Variants in CNNM2 observed in about 807,000 individuals in gnomAD.
CNNM2 encodes the protein cyclin and CBS domain divalent metal cation transport mediator 2, also known as metal transporter CNNM2.
CNNM2 carries 12 observed loss-of-function variants against 66.9 expected under a neutral mutation model. The ratio of observed to expected loss-of-function variants is 0.18; its 90% CI spans 0.11 to 0.29. CNNM2 has a LOEUF of 0.29. Among genes scored for constraint, CNNM2 ranks in the 10% least tolerant of loss-of-function variants. The pLI is 1.00. For synonymous variants in CNNM2, 557 were observed against 501.8 expected, an observed-to-expected ratio of 1.11 and a Z score of -1.47; for missense variants, 705 against 1,167.7, an observed-to-expected ratio of 0.60 and a Z score of 5.77.
chr10:102,944,567 T>G (rs1192155966), intron 1 of CNNM2, among the ~76,000 whole-genome samples: 3 of 148,042 alleles, frequency 2.0e-5, no homozygotes, highest in Non-Finnish European at 4.4e-5. Flanking sequence ...TATTTTGCCA[T>G]ATTTGTATCT....
intron 7 of CNNM2, 113 bp from the exon 8 acceptor site, chr10:103,076,858 A>G: frequency 1.0e-6 from 1 of 956,646 alleles, no homozygotes; most frequent in Non-Finnish European, 1.6e-6. Context: ...CTCAAGTGTG[A>G]TTTTCTCCTA....
chr10:102,987,675 T>C (rs1384880485), intron 1 of CNNM2, among the ~76,000 whole-genome samples: 1 of 152,012 alleles, frequency 6.6e-6, no homozygotes, highest in East Asian at 1.9e-4. Flanking sequence ...ATATATAATT[T>C]ATAAGTAAAT....
chr10:103,039,398 A>G (rs2064999990), intron 1 of CNNM2, among the ~76,000 whole-genome samples: 2 of 152,110 alleles, frequency 1.3e-5, no homozygotes, highest in Non-Finnish European at 2.9e-5. Context: ...CGGCCTCCCA[A>G]AGTGCTGGGA....
chr10:102,954,339 G>A (rs560554113), intron 1 of CNNM2, among the ~76,000 whole-genome samples: 86 of 151,370 alleles, frequency 5.7e-4, no homozygotes, highest in Non-Finnish European at 1.0e-3. Context: ...GGGCTGTATC[G>A]AACTTCTGGA....
chr10:103,059,264 G>A (rs545460901), intron 4 of CNNM2, among the ~76,000 whole-genome samples: 13 of 152,222 alleles, frequency 8.5e-5, no homozygotes, highest in South Asian at 2.1e-4. Flanking sequence ...ATGAGCCACC[G>A]CGTCTGGCCT....
At chr10:102,967,899 G>A (rs1165862322) in intron 1 of CNNM2, among the ~76,000 whole-genome samples, 2 of 152,134 alleles carry the variant, frequency 1.3e-5, no homozygotes, top group Admixed American at 6.5e-5. Flanking sequence ...TCCCAGCTAC[G>A]TGGGAGGCTG....
intron 1 of CNNM2, among the ~76,000 whole-genome samples, chr10:102,935,774 C>CTTTTTTTTTTTTTTTTTTTTTTT (rs34196326): frequency 1.3e-5 from 1 of 77,994 alleles, no homozygotes; most frequent in South Asian, 5.4e-4. Context: ...CTGCACCTGG[C>CTTTTTTTTTTTTTTTTTTTTTTT]TTTTTTTTTT....
intron 1 of CNNM2, among the ~76,000 whole-genome samples, chr10:102,962,690 C>CTGTGTGTGTGTGTGTGTG (rs10580172): frequency 7.0e-6 from 1 of 143,800 alleles, no homozygotes; most frequent in Non-Finnish European, 1.5e-5. Context: ...ATATGATATA[C>CTGTGTGTGTGTGTGTGTG]TGTGTGTGTG....
chr10:102,928,306 G>C (rs1845944444), intron 1 of CNNM2, among the ~76,000 whole-genome samples: 2 of 152,142 alleles, frequency 1.3e-5, no homozygotes. Context: ...ATAGAAGGTG[G>C]CCGGGCATTG....
chr10:102,942,123 C>T (rs1438306169), intron 1 of CNNM2, among the ~76,000 whole-genome samples: 1 of 152,202 alleles, frequency 6.6e-6, no homozygotes, highest in African/African-American at 2.4e-5. Context: ...ACATGTAAAA[C>T]TTAAAACACA....
intron 1 of CNNM2, among the ~76,000 whole-genome samples, chr10:102,951,690 G>T (rs556172367): frequency 6.6e-6 from 1 of 150,632 alleles, no homozygotes; most frequent in Non-Finnish European, 1.5e-5. Context: ...CCAGGCTGGG[G>T]TGCAGTGGTC....
At position 102,919,944 on chromosome 10, in the gene CNNM2, C is replaced by T. The variant is rs1845559034; in HGVS notation, c.1464C>T (p.Arg488=). The change falls in exon 1 of 8, where the codon CGC becomes CGT. Residue 488 remains arginine (R), a synonymous_variant. Coordinates refer to ENST00000369878, the MANE Select transcript of CNNM2 (RefSeq NM_017649.5). ...GCATTCCAGTGTTTGAAGGGGAGCGCTCCAATATCGTGGACCTGCTGTTTG... is the reference window on the plus strand; with the variant it reads ...GCATTCCAGTGTTTGAAGGGGAGCGTTCCAATATCGTGGACCTGCTGTTTG... ...YTRIPVFEGE[R]SNIVDLLFVK... 1 of 1,614,236 alleles carries T rather than the reference C, an allele frequency of 6.2e-7. No individual in the cohort carries two copies. The highest frequency in any genetic ancestry group is 8.5e-7 in the Non-Finnish European group (1 of 1,180,042).
At chr10:103,039,577 G>A (rs947803429) in intron 1 of CNNM2, among the ~76,000 whole-genome samples, 23 of 152,262 alleles carry the variant, frequency 1.5e-4, no homozygotes, top group African/African-American at 4.6e-4. Context: ...GGTTTTGCCG[G>A]TGTTTAATTG....
intron 1 of CNNM2, among the ~76,000 whole-genome samples, chr10:102,921,757 A>G (rs1017026309): frequency 6.6e-6 from 1 of 152,192 alleles, no homozygotes; most frequent in Non-Finnish European, 1.5e-5. Context: ...ATTGATACAG[A>G]TGATCTATTG....
chr10:102,927,310 A>G, intron 1 of CNNM2: 1 of 1,612,944 alleles, frequency 6.2e-7, no homozygotes, highest in South Asian at 1.1e-5. Context: ...AGTTTTTTAA[A>G]GTATTGTCTT....
At chr10:103,018,942 C>T (rs897421645) in intron 1 of CNNM2, among the ~76,000 whole-genome samples, 4 of 149,650 alleles carry the variant, frequency 2.7e-5, no homozygotes, top group South Asian at 2.1e-4. Context: ...AGGCGTGAGC[C>T]GCTGTACCTG....
chr10:103,029,594 G>A (rs2134299182), intron 1 of CNNM2, among the ~76,000 whole-genome samples: 1 of 152,272 alleles, frequency 6.6e-6, no homozygotes, highest in South Asian at 2.1e-4. Flanking sequence ...CAGGCACGGT[G>A]GCTCACGCCT....
At chr10:102,989,004 C>T (rs2063847791) in intron 1 of CNNM2, among the ~76,000 whole-genome samples, 1 of 152,110 alleles carries the variant, frequency 6.6e-6, no homozygotes. Context: ...TCAGTAGTAA[C>T]CCTGGTTGTC....
intron 1 of CNNM2, among the ~76,000 whole-genome samples, chr10:102,922,854 A>T (rs1244378120): frequency 6.7e-6 from 1 of 149,220 alleles, no homozygotes; most frequent in Non-Finnish European, 1.5e-5. Context: ...AGGTGGGAGG[A>T]TTCCTTGAGC....
Sources: allele counts gnomAD v4.1 joint callset (sites outside exome capture counted in the v4.1 genomes callset), GRCh38; gene constraint gnomAD v4.1.1; transcripts MANE v1.5; gene names NCBI Gene and HGNC (gene_info 2026-07-23, HGNC 2026-07-21).